SFTPD: variants seen among roughly 807,000 people sequenced by gnomAD.
SFTPD encodes surfactant protein D, also known as pulmonary surfactant-associated protein D.
A neutral mutation model predicts 34.6 loss-of-function variants in SFTPD; 18 were observed. The ratio of observed to expected loss-of-function variants is 0.52; its 90% confidence interval spans 0.36 to 0.77. The LOEUF (loss-of-function observed/expected upper bound fraction) is 0.77. Among genes scored for constraint, SFTPD ranks in the 30% least tolerant of loss-of-function variants. The pLI is 0.00. For synonymous variants in SFTPD, 155 were observed against 180.9 expected (o/e 0.86, Z 1.15); for missense variants, 433 against 468.9 (o/e 0.92, Z 0.71).
At chr10:79,946,430 C>T (rs752754357) in intron 2 of SFTPD, 31 bp downstream of exon 2, 1 of 1,532,066 alleles carries the variant, frequency 6.5e-7, no homozygotes, top group Non-Finnish European at 9.0e-7. Context: ...CCATTCCTCC[C>T]CAGCAGGATA....
At chr10:79,975,601 C>T (rs976574366) in intron 1 of SFTPD, among the ~76,000 whole-genome samples, 3 of 152,106 alleles carry the variant, frequency 2.0e-5, no homozygotes, top group African/African-American at 7.2e-5. Flanking sequence ...GTCGGGGAGA[C>T]CCTAACCCAG....
chr10:79,971,148 G>A (rs1842832267), intron 1 of SFTPD: 1 of 151,976 alleles, frequency 6.6e-6, no homozygotes, highest in South Asian at 2.1e-4. Context: ...CCATCATTTT[G>A]TAAGTGTTAT....
rs755461692 is a variant in SFTPD, at chr10:79,946,488, CCT to C, written c.170_171del (p.Glu57GlyfsTer108). ...LPGRDGRDGR[E>X]GPRGEKGDPG... Reference sequence around the variant, plus strand: ...GGGTCCCCCTTCTCGCCCCGAGGGCCCTCTCTCCCATCCCGTCCATCGCGACC... The same window carrying C: ...GGGTCCCCCTTCTCGCCCCGAGGGCCCTCTCCCATCCCGTCCATCGCGACC... On this transcript the variant is annotated frameshift_variant, in exon 2 of 8. Coordinates refer to ENST00000372292, the MANE Select transcript of SFTPD (RefSeq NM_003019.5). LOFTEE classifies it high-confidence loss of function. 3.1e-6 allele frequency: 5 copies of C among 1,614,036 alleles called. No individual in the cohort carries two copies. The Admixed American group carries it at 5.0e-5, about 16-fold the overall frequency.
chr10:79,946,622 G>A lies in SFTPD; in HGVS notation c.38C>T (p.Thr13Ile). 6.2e-7 allele frequency: 1 copy of A among 1,614,240 alleles called. No homozygotes were observed. Among genetic ancestry groups the A allele is most frequent in the South Asian group, 1.1e-5 (1 of 91,082 alleles). The change falls in exon 2 of 8, where the codon ACA becomes ATA. Residue 13 changes from threonine (T) to isoleucine (I), a missense_variant. Transcript: ENST00000372292. Reference sequence around the variant, plus strand: ...TGCTTCCAGGTAGCCCAGGGGCTGTGTGAGCAGGACCAGTGCAGAGAGGAG... The same window carrying A: ...TGCTTCCAGGTAGCCCAGGGGCTGTATGAGCAGGACCAGTGCAGAGAGGAG... ...LFLLSALVLL[T>I]QPLGYLEAEM...
At chr10:79,950,979 A>C (rs1034561425), upstream of SFTPD, 15 of 152,052 alleles carry the variant, frequency 9.9e-5, no homozygotes, top group Admixed American at 9.8e-4. Context: ...TCTTTTGCTA[A>C]AAGTTTCAAC....
intron 2 of SFTPD, among the ~76,000 whole-genome samples, chr10:79,945,645 G>T (rs1842656825): frequency 6.6e-6 from 1 of 152,112 alleles, no homozygotes; most frequent in Non-Finnish European, 1.5e-5. Flanking sequence ...CACCTATTAG[G>T]TACAGCAGAA....
In SFTPD at chr10:79,968,720, G is replaced by T. The variant is rs533378941; in HGVS notation, c.36+13855C>A. 5 of 152,288 alleles carry T rather than the reference G, an allele frequency of 3.3e-5. No homozygotes were observed. In the East Asian group the frequency reaches 5.8e-4, roughly 18 times the overall value. The allele number at this position is 152,288 out of a possible 1,614,324, so 9.4% of individuals were successfully genotyped here. A position where few individuals can be genotyped will look rare whatever the true frequency, so the allele number is the denominator to read the frequency against. On this transcript the variant is annotated intron_variant, in intron 1 of 5. Coordinates refer to the SFTPD transcript ENST00000444384. ...GTCAAAAGTAGTTCTGGGTCAAAAA[G>T]TAGTTCTAAGTTCTTTGAAAAACAT... is the stretch of plus-strand genomic sequence containing the variant.
chr10:79,977,787 C>T (rs551834871), intron 1 of SFTPD, among the ~76,000 whole-genome samples: 32 of 149,630 alleles, frequency 2.1e-4, no homozygotes, highest in African/African-American at 7.9e-4. Context: ...TTCAGATTTA[C>T]TTCTTTTTTT....
intron 1 of SFTPD, among the ~76,000 whole-genome samples, chr10:79,980,965 C>A (rs1842887025): frequency 6.6e-6 from 1 of 152,154 alleles, no homozygotes; most frequent in Non-Finnish European, 1.5e-5. Flanking sequence ...GAGAACATGA[C>A]CTCACCAAAC....
intron 1 of SFTPD, among the ~76,000 whole-genome samples, chr10:79,959,438 C>T (rs1460184980): frequency 7.9e-5 from 12 of 151,736 alleles, no homozygotes; most frequent in South Asian, 2.1e-4. Flanking sequence ...ATCAAATAGA[C>T]GCAATAAAAA....
chr10:79,970,185 A>C (rs1842827552), intron 1 of SFTPD: 1 of 152,156 alleles, frequency 6.6e-6, no homozygotes, highest in Non-Finnish European at 1.5e-5. Flanking sequence ...CAGTTGGCTG[A>C]GAATGCATGA....
chr10:79,946,008 T>A (rs780168440), intron 2 of SFTPD, among the ~76,000 whole-genome samples: 45 of 152,210 alleles, frequency 3.0e-4, no homozygotes, highest in Admixed American at 1.3e-4. Context: ...CCGTGTAATG[T>A]ATTAGAGCAA....
Position 79,942,440 on chromosome 10 carries a change from C to A in SFTPD, c.381G>T (p.Gly127=). 1 of 1,613,610 alleles carries A rather than the reference C, an allele frequency of 6.2e-7. No individual in the cohort carries two copies. Among genetic ancestry groups the A allele is most frequent in the Non-Finnish European group, 8.5e-7 (1 of 1,179,604 alleles). Residue 127 remains glycine, a synonymous_variant, in exon 4 of 8, where the codon GGG becomes GGT. Transcript: ENST00000372292. ...AGREGPLGKQ[G]NIGPQGKPGP... Reference sequence around the variant, plus strand: ...CTGGCTTGCCCTGAGGTCCTATGTTCCCCTGCTTCCCCAGGGGACCTTCTC... The same window carrying A: ...CTGGCTTGCCCTGAGGTCCTATGTTACCCTGCTTCCCCAGGGGACCTTCTC...
At chr10:79,977,266 G>A (rs1434277578) in intron 1 of SFTPD, among the ~76,000 whole-genome samples, 1 of 152,164 alleles carries the variant, frequency 6.6e-6, no homozygotes, top group Non-Finnish European at 1.5e-5. Flanking sequence ...TTTTTACCCT[G>A]TGGAATCCCT....
intron 1 of SFTPD, among the ~76,000 whole-genome samples, chr10:79,965,028 T>C (rs938911917): frequency 2.6e-5 from 4 of 152,158 alleles, no homozygotes; most frequent in African/African-American, 9.7e-5. Flanking sequence ...TGGTATTCAG[T>C]GGAATCTTCA....
chr10:79,958,723 T>C (rs1842754525), intron 1 of SFTPD, among the ~76,000 whole-genome samples: 1 of 152,108 alleles, frequency 6.6e-6, no homozygotes, highest in Non-Finnish European at 1.5e-5. Flanking sequence ...CTGTCAACAT[T>C]AGACAGATCA....
intron 7 of SFTPD, among the ~76,000 whole-genome samples, chr10:79,938,577 T>C (rs1245778853): frequency 2.0e-5 from 3 of 152,214 alleles, no homozygotes; most frequent in African/African-American, 7.2e-5. Context: ...TGCTATATAC[T>C]AGAATTGATT....
chr10:79,938,868 G>A (rs1842584157), intron 7 of SFTPD, among the ~76,000 whole-genome samples: 1 of 152,194 alleles, frequency 6.6e-6, no homozygotes, highest in Admixed American at 6.5e-5. Context: ...TGATGTCCTA[G>A]CCAGTCAGCC....
upstream of SFTPD, among the ~76,000 whole-genome samples, chr10:79,953,279 C>T (rs1438631022): frequency 1.3e-5 from 2 of 152,186 alleles, no homozygotes; most frequent in Admixed American, 6.5e-5. Flanking sequence ...ATTTCAACCT[C>T]GAGAACTTCC....
Sources: allele counts gnomAD v4.1 joint callset (sites outside exome capture counted in the v4.1 genomes callset), GRCh38; gene constraint gnomAD v4.1.1; transcripts MANE v1.5; gene names NCBI Gene and HGNC (gene_info 2026-07-23, HGNC 2026-07-21).